The following MUSK variants were observed in gnomAD, a reference collection of about 807,000 sequenced individuals.
MUSK encodes the protein muscle, skeletal receptor tyrosine-protein kinase.
Under a neutral mutation model 88.7 loss-of-function variants are expected in MUSK, and 55 were observed. The observed-to-expected ratio is 0.62, with a 90% CI of 0.50 to 0.78. The LOEUF is 0.78. MUSK is among the 30% of genes least tolerant of loss of function. The probability of loss-of-function intolerance (pLI) is 0.00; values close to 1 mark genes in which losing one functional copy is unlikely to be tolerated. For synonymous variants in MUSK, 387 were observed against 391.9 expected, an observed-to-expected ratio of 0.99 and a Z score of 0.15; for missense variants, 1,015 against 1,074.3, an observed-to-expected ratio of 0.94 and a Z score of 0.77.
intron 5 of MUSK, among the ~76,000 whole-genome samples, chr9:110,705,625 T>G (rs756284847): frequency 4.6e-5 from 7 of 152,236 alleles, no homozygotes; most frequent in African/African-American, 1.7e-4. Context: ...TTCCACACTT[T>G]GTTGGGTGTT....
At chr9:110,676,363 T>TTATATATTATATATTATATAC (rs1491560076) in intron 1 of MUSK, among the ~76,000 whole-genome samples, 2 of 148,906 alleles carry the variant, frequency 1.3e-5, no homozygotes, top group African/African-American at 5.0e-5. Context: ...ATATTATATA[T>TTATATATTATATATTATATAC]TATATATGTG....
chr9:110,756,934 GC>G (rs2077333256), intron 7 of MUSK, among the ~76,000 whole-genome samples: 1 of 151,966 alleles, frequency 6.6e-6, no homozygotes, highest in South Asian at 2.1e-4. Context: ...CATTTGTCTT[GC>G]TTTTTGAGGG....
chr9:110,749,765 G>C (rs1419428514), intron 7 of MUSK, among the ~76,000 whole-genome samples: 3 of 152,128 alleles, frequency 2.0e-5, no homozygotes, highest in Non-Finnish European at 4.4e-5. Context: ...AATCAGGATA[G>C]AAATAAGGTT....
At chr9:110,756,006 T>C (rs1280003796) in intron 7 of MUSK, among the ~76,000 whole-genome samples, 1 of 109,546 alleles carries the variant, frequency 9.1e-6, no homozygotes, top group Non-Finnish European at 1.9e-5. Context: ...ATGAATTTAT[T>C]TAACACCCAC....
At chr9:110,761,910 C>T in intron 7 of MUSK, 1 of 985,280 alleles carries the variant, frequency 1.0e-6, no homozygotes, top group South Asian at 4.7e-5. Context: ...CCCTGGGTAG[C>T]TAATGGAGGG....
intron 7 of MUSK, among the ~76,000 whole-genome samples, chr9:110,749,605 C>T (rs560417798): frequency 6.6e-6 from 1 of 152,136 alleles, no homozygotes; most frequent in Non-Finnish European, 1.5e-5. Context: ...TAGATATATC[C>T]TCTAGCAAAT....
chr9:110,744,017 G>A (rs966009191), intron 6 of MUSK, among the ~76,000 whole-genome samples: 1 of 151,130 alleles, frequency 6.6e-6, no homozygotes, highest in Non-Finnish European at 1.5e-5. Context: ...CATGAGGCTG[G>A]AGTGCAGTGG....
intron 5 of MUSK, among the ~76,000 whole-genome samples, chr9:110,708,041 T>C (rs2076621328): frequency 6.6e-6 from 1 of 152,162 alleles, no homozygotes. Flanking sequence ...TTTGCAGACA[T>C]ATGAAATAGG....
chr9:110,733,011 C>T (rs189657680), intron 5 of MUSK, among the ~76,000 whole-genome samples: 2 of 152,224 alleles, frequency 1.3e-5, no homozygotes, highest in East Asian at 3.9e-4. Context: ...CTGCGTATCT[C>T]CTTATGTAGC....
At chr9:110,698,031 G>C (rs2076456581) in intron 5 of MUSK, among the ~76,000 whole-genome samples, 1 of 152,034 alleles carries the variant, frequency 6.6e-6, no homozygotes, top group South Asian at 2.1e-4. Flanking sequence ...TCAATAACTT[G>C]GTGTGAAAGG....
intron 11 of MUSK, among the ~76,000 whole-genome samples, chr9:110,782,659 C>A (rs2077780131): frequency 6.6e-6 from 1 of 152,142 alleles, no homozygotes; most frequent in South Asian, 2.1e-4. Flanking sequence ...ATTGTTCCAA[C>A]TTTATTATTA....
At chr9:110,775,602 G>A (rs765711888) in intron 9 of MUSK, 186 bp from the exon 10 acceptor site, 8 of 604,616 alleles carry the variant, frequency 1.3e-5, no homozygotes, top group East Asian at 2.9e-5. Flanking sequence ...TTCATCTCAC[G>A]GGACAGTACA....
Position 110,697,467 on chromosome 9 carries a change from G to T in MUSK, c.628+1G>T, listed in dbSNP as rs1286161946. The T allele has an allele frequency of 6.2e-7, 1 of 1,607,774 alleles. No individual in the cohort carries two copies. Among genetic ancestry groups the T allele is most frequent in the Non-Finnish European group, 8.5e-7 (1 of 1,176,642 alleles). ...AAAGTGGTGAAGCTGGAAGTTGAGG[G>T]TAAGGAGCTGCATTTCTTCCCCTGA... On this transcript the variant is annotated splice_donor_variant, in intron 5 of 14. Transcript: ENST00000374448. LOFTEE classifies it high-confidence loss of function.
chr9:110,689,189 A>ATAATATATAT (rs1403830513), intron 3 of MUSK, among the ~76,000 whole-genome samples: 17 of 53,684 alleles, frequency 3.2e-4, no homozygotes, highest in African/African-American at 1.8e-3. Flanking sequence ...ATATAAATAT[A>ATAATATATAT]TCATATATAT....
intron 1 of MUSK, among the ~76,000 whole-genome samples, chr9:110,681,108 TTA>T (rs1491067143): frequency 2.0e-4 from 9 of 45,464 alleles, no homozygotes; most frequent in Admixed American, 1.7e-3. Context: ...ATAATATATA[TTA>T]TATATAATAT....
chr9:110,773,175 A>G (rs557500594), intron 9 of MUSK, among the ~76,000 whole-genome samples: 2 of 152,238 alleles, frequency 1.3e-5, no homozygotes, highest in African/African-American at 2.4e-5. Context: ...AATGAACATA[A>G]TAAACAACTT....
chr9:110,739,640 ACCTTT>A (rs1416892391), intron 6 of MUSK, among the ~76,000 whole-genome samples: 4 of 152,122 alleles, frequency 2.6e-5, no homozygotes, highest in Non-Finnish European at 4.4e-5. Context: ...CAAAGGCCAG[ACCTTT>A]CTTTGGAATG....
intron 6 of MUSK, among the ~76,000 whole-genome samples, chr9:110,742,680 C>G (rs1002047793): frequency 6.6e-6 from 1 of 152,008 alleles, no homozygotes; most frequent in African/African-American, 2.4e-5. Context: ...TTATTGAGAC[C>G]CCAACTTATT....
intron 11 of MUSK, among the ~76,000 whole-genome samples, chr9:110,779,854 A>C (rs1222172426): frequency 6.6e-6 from 1 of 152,176 alleles, no homozygotes; most frequent in East Asian, 1.9e-4. Context: ...ACTATGTTCT[A>C]TGAGGCATAG....
Sources: gnomAD v4.1 joint callset for allele counts (sites outside exome capture counted in the v4.1 genomes callset) on GRCh38, gnomAD v4.1.1 for gene constraint, MANE v1.5 for transcripts, NCBI Gene and HGNC (gene_info 2026-07-23, HGNC 2026-07-21) for gene names.